The following MAP4 variants were observed in gnomAD, a reference collection of about 807,000 sequenced individuals.
The protein encoded by MAP4 is microtubule associated protein 4.
MAP4 carries 76 observed loss-of-function variants against 170.2 expected under a neutral mutation model. The observed-to-expected ratio is 0.45, with a 90% CI of 0.37 to 0.54. MAP4 has a LOEUF of 0.54. Among genes scored for constraint, MAP4 ranks in the 20% least tolerant of loss-of-function variants. The pLI is 0.00. For synonymous variants in MAP4, 909 were observed against 994.5 expected (o/e 0.91, Z 1.62); for missense variants, 2,506 against 2,748.0 (o/e 0.91, Z 1.97).
Position 47,910,843 on chromosome 3 carries a change from C to T in MAP4, c.3578G>A (p.Arg1193Lys), listed in dbSNP as rs747072782. 2 of 1,536,042 alleles carry T rather than the reference C, an allele frequency of 1.3e-6. No individual in the cohort carries two copies. Among genetic ancestry groups the T allele is most frequent in the South Asian group, 1.2e-5 (1 of 84,058 alleles). The change falls in exon 9 of 21, where the codon AGG becomes AAG. Residue 1193 changes from arginine to lysine, a missense_variant. Transcript: ENST00000683076. ...MGVNNQSKEGRCPWKDHEAAP... is the reference protein window; with the variant it reads ...MGVNNQSKEGKCPWKDHEAAP... ...TGCCTCATGATCCTTCCATGGACAC[C>T]TTCCTTCCTTGCTCTGGTTATTGAC...
chr3:47,883,845 T>C (rs1238490882), intron 10 of MAP4, among the ~76,000 whole-genome samples: 1 of 152,166 alleles, frequency 6.6e-6, no homozygotes, highest in Non-Finnish European at 1.5e-5. Flanking sequence ...TGCTGTTTCC[T>C]CAGCACCATA....
At chr3:48,032,639 T>G (rs932887756) in intron 1 of MAP4, among the ~76,000 whole-genome samples, 1 of 152,158 alleles carries the variant, frequency 6.6e-6, no homozygotes, top group African/African-American at 2.4e-5. Context: ...CACTCCAGCC[T>G]GGGTGACAGA....
intron 1 of MAP4, among the ~76,000 whole-genome samples, chr3:48,057,473 G>T (rs1410508237): frequency 2.0e-4 from 26 of 130,224 alleles, no homozygotes; most frequent in South Asian, 8.3e-4. Context: ...CAAACACTGC[G>T]GAAGGCCGCA....
chr3:47,996,737 G>GACACACACACAC lies in MAP4; in HGVS notation c.223+1889_223+1900dup, dbSNP rs57673370. Among the ~76,000 whole-genome samples, 1,005 of 146,530 alleles carry GACACACACACAC rather than the reference G, an allele frequency of 6.9e-3. 15 individuals are homozygous for GACACACACACAC. The highest frequency in any genetic ancestry group is 0.024 in the African/African-American group (930 of 39,168). The stretch of plus-strand genomic sequence containing the variant: ...GATCCAGCATTCAATCAAAAACTAA[G>GACACACACACAC]ACACACACACACACACACACACACA... On this transcript the variant is annotated intron_variant, in intron 2 of 20. Transcript: ENST00000683076.
chr3:47,921,699 C>A, intron 5 of MAP4, 66 bp downstream of exon 5: 1 of 871,784 alleles, frequency 1.1e-6, no homozygotes, highest in South Asian at 1.4e-5. Flanking sequence ...GTCAGTGAAC[C>A]AAAGATGAGT....
chr3:47,866,397 A>G (rs971365226), intron 17 of MAP4, among the ~76,000 whole-genome samples: 3 of 151,914 alleles, frequency 2.0e-5, no homozygotes, highest in African/African-American at 7.3e-5. Flanking sequence ...AAAAGGGACT[A>G]AAAAAGGAGG....
At chr3:47,875,308 G>A (rs1440473135) in intron 12 of MAP4, among the ~76,000 whole-genome samples, 1 of 152,168 alleles carries the variant, frequency 6.6e-6, no homozygotes, top group South Asian at 2.1e-4. Context: ...TGGTTAATAA[G>A]TGCTTAAATA....
At chr3:47,949,183 C>T (rs2100062027) in intron 3 of MAP4, among the ~76,000 whole-genome samples, 1 of 152,052 alleles carries the variant, frequency 6.6e-6, no homozygotes, top group African/African-American at 2.4e-5. Context: ...AATCACCACC[C>T]AGCTGGGCAC....
At position 47,852,638 on chromosome 3, in the gene MAP4, C is replaced by G; in HGVS notation, c.*296G>C. ...CCCAACCTCCTCCACGGAGCAGTGGCGCAGTGATGGGGCAAGACCAAAGCA... is the reference window on the plus strand; with the variant it reads ...CCCAACCTCCTCCACGGAGCAGTGGGGCAGTGATGGGGCAAGACCAAAGCA... On this transcript the variant is annotated 3_prime_UTR_variant, in exon 21 of 21. Transcript: ENST00000683076. 1 of 1,062,590 alleles carries G rather than the reference C, an allele frequency of 9.4e-7. No individual in the cohort carries two copies. Among genetic ancestry groups the G allele is most frequent in the South Asian group, 1.7e-5 (1 of 60,086 alleles). The allele number at this position is 1,062,590 out of a possible 1,614,324, so 65.8% of individuals were successfully genotyped here. A position where few individuals can be genotyped will look rare whatever the true frequency, so the allele number is the denominator to read the frequency against.
At position 47,998,038 on chromosome 3, in the gene MAP4, A is replaced by C. The variant is rs142386716; in HGVS notation, c.223+600T>G. Among the ~76,000 whole-genome samples, 113 of 152,342 alleles carry C rather than the reference A, an allele frequency of 7.4e-4. 1 individual carries two copies. The highest frequency in any genetic ancestry group is 2.6e-3 in the African/African-American group (109 of 41,596). ...AAAAAATATCAATTCTATGCAAACTATTCTAGAAAAGAGAAAGAAGGGAAC... is the reference window on the plus strand; with the variant it reads ...AAAAAATATCAATTCTATGCAAACTCTTCTAGAAAAGAGAAAGAAGGGAAC... On this transcript the variant is annotated intron_variant, in intron 2 of 20. Transcript: ENST00000683076.
At chr3:47,868,543 C>G (rs556078893) in intron 16 of MAP4, among the ~76,000 whole-genome samples, 1 of 152,130 alleles carries the variant, frequency 6.6e-6, no homozygotes, top group Non-Finnish European at 1.5e-5. Flanking sequence ...CTGGCAGAGG[C>G]ACACCTACCT....
intron 3 of MAP4, chr3:47,973,881 TTTTA>T (rs2100080325): frequency 8.1e-6 from 8 of 984,754 alleles, no homozygotes; most frequent in Non-Finnish European, 9.6e-6. Flanking sequence ...GGCAAGAGAG[TTTTA>T]ATATTTTATC....
chr3:48,040,876 T>G (rs2100121300), intron 1 of MAP4, among the ~76,000 whole-genome samples: 1 of 152,140 alleles, frequency 6.6e-6, no homozygotes, highest in Admixed American at 6.5e-5. Flanking sequence ...ATTTTTGTAT[T>G]TTTGATAGAG....
Position 47,928,265 on chromosome 3 carries a change from A to G in MAP4, c.378T>C (p.Cys126=). 1.2e-6 allele frequency: 2 copies of G among 1,614,224 alleles called. No homozygotes were observed. The highest frequency in any genetic ancestry group is 2.2e-5 in the East Asian group (1 of 44,886). The change falls in exon 4 of 21, where the codon TGT becomes TGC. Residue 126 remains cysteine (C), a synonymous_variant. Coordinates refer to ENST00000683076, the MANE Select transcript of MAP4 (RefSeq NM_001385682.1). The stretch of plus-strand genomic sequence containing the variant: ...GATCGACCACTTGCTCAGGTTGGAA[A>G]CAAAAGTTGGTATCTTCTGGCCAGT... ...SQNWPEDTNF[C]FQPEQVVDPI...
intron 3 of MAP4, among the ~76,000 whole-genome samples, chr3:47,976,731 G>C (rs938925314): frequency 2.0e-5 from 3 of 152,140 alleles, no homozygotes; most frequent in African/African-American, 7.2e-5. Context: ...GTTGTTTCTA[G>C]CTTCTAAAGT....
intron 3 of MAP4, among the ~76,000 whole-genome samples, chr3:47,967,114 A>G (rs2100075582): frequency 6.6e-6 from 1 of 152,200 alleles, no homozygotes. Flanking sequence ...AGGCGGGCAG[A>G]TGACCTGAGG....
At chr3:47,975,580 A>G in intron 3 of MAP4, 1 of 745,354 alleles carries the variant, frequency 1.3e-6, no homozygotes, top group South Asian at 1.5e-5. Flanking sequence ...CATAAACCAA[A>G]GCTATTAATG....
At chr3:48,038,791 T>C (rs569095120) in intron 1 of MAP4, among the ~76,000 whole-genome samples, 2 of 152,006 alleles carry the variant, frequency 1.3e-5, no homozygotes, top group East Asian at 1.9e-4. Flanking sequence ...TATCTTCTAG[T>C]GTTGTTTTGC....
chr3:48,001,438 A>C (rs2100099084), intron 1 of MAP4, among the ~76,000 whole-genome samples: 1 of 152,218 alleles, frequency 6.6e-6, no homozygotes, highest in African/African-American at 2.4e-5. Flanking sequence ...TCCTATTTGA[A>C]ATAACAACCT....
Sources: gnomAD v4.1 joint callset for allele counts (sites outside exome capture counted in the v4.1 genomes callset) on GRCh38, gnomAD v4.1.1 for gene constraint, MANE v1.5 for transcripts, NCBI Gene and HGNC (gene_info 2026-07-23, HGNC 2026-07-21) for gene names.